Variants in EDA2R observed in about 807,000 individuals in gnomAD.
The protein encoded by EDA2R is tumor necrosis factor receptor superfamily member 27.
EDA2R carries 26 observed loss-of-function variants against 20.1 expected under a neutral mutation model. That is an observed-to-expected ratio of 1.30 (90% CI 0.95 to 1.80). The LOEUF (loss-of-function observed/expected upper bound fraction) is 1.80. EDA2R is among the 40% of genes most tolerant of loss of function. EDA2R has a pLI of 0.00. For missense variants in EDA2R, 277 were observed against 228.7 expected, an observed-to-expected ratio of 1.21 and a Z score of -1.36; for synonymous variants, 114 against 88.7, an observed-to-expected ratio of 1.29 and a Z score of -1.60.
At chrX:66,623,045 T>G (rs954816491) in intron 1 of EDA2R, among the ~76,000 whole-genome samples, 1 of 111,975 alleles carries the variant, frequency 8.9e-6, no homozygotes, top group Admixed American at 9.4e-5. Flanking sequence ...TCAGTCTTGG[T>G]TGCACCTTGG....
At chrX:66,607,365 C>T (rs1929874107) in intron 2 of EDA2R, among the ~76,000 whole-genome samples, 1 of 111,795 alleles carries the variant, frequency 8.9e-6, no homozygotes, top group Non-Finnish European at 1.9e-5. Context: ...CGATACATGA[C>T]AAAAAATAGT....
At chrX:66,616,823 C>T (rs759765361) in intron 1 of EDA2R, among the ~76,000 whole-genome samples, 78 of 112,213 alleles carry the variant, frequency 7.0e-4, no homozygotes, top group Non-Finnish European at 5.6e-4. Context: ...GGATGGATCA[C>T]TTTATCTTTT....
intron 1 of EDA2R, among the ~76,000 whole-genome samples, chrX:66,633,371 T>C (rs1038739048): frequency 2.7e-5 from 3 of 111,705 alleles, no homozygotes; most frequent in Non-Finnish European, 5.6e-5. Flanking sequence ...AGAAATAGGA[T>C]GAAATTAAGA....
intron 1 of EDA2R, among the ~76,000 whole-genome samples, chrX:66,637,657 C>T (rs998823956): frequency 8.9e-6 from 1 of 112,578 alleles, no homozygotes; most frequent in African/African-American, 3.2e-5. Flanking sequence ...CTTAAACTGT[C>T]TTCTCTATCT....
At chrX:66,612,916 C>T (rs990003230) in intron 2 of EDA2R, among the ~76,000 whole-genome samples, 1 of 111,229 alleles carries the variant, frequency 9.0e-6, no homozygotes, top group African/African-American at 3.3e-5. Context: ...CATTAAGGTG[C>T]AAAATTTCTT....
chrX:66,630,870 TAC>T (rs770378745), intron 1 of EDA2R, among the ~76,000 whole-genome samples: 8 of 108,498 alleles, frequency 7.4e-5, no homozygotes, highest in East Asian at 2.9e-4. Flanking sequence ...TATATATATA[TAC>T]ACACACGTAT....
At chrX:66,616,767 T>C (rs776914067) in intron 1 of EDA2R, among the ~76,000 whole-genome samples, 21 of 112,507 alleles carry the variant, frequency 1.9e-4, no homozygotes, top group Non-Finnish European at 3.2e-4. Flanking sequence ...TGAAGTGGGA[T>C]GGCTGTTCAC....
At chrX:66,600,035 T>C in intron 5 of EDA2R, 175 bp from the exon 6 acceptor site, 9 of 1,159,887 alleles carry the variant, frequency 7.8e-6, no homozygotes, top group Non-Finnish European at 1.0e-5. Flanking sequence ...AGAAACATAC[T>C]TACATTCAGG....
rs1256480611 is a variant in EDA2R at position 66,599,581 on chromosome X, G to T, written c.797C>A (p.Ala266Asp). ...ELDLQKFSSSASYTGAETLGG... is the reference protein window; with the variant it reads ...ELDLQKFSSSDSYTGAETLGG... ...CAAGGTCTCAGCTCCAGTATAGGAG[G>T]CAGAGCTGGAAAACTTTTGCAGGTC... The change falls in exon 6 of 7, where the codon GCC (alanine) becomes GAC (aspartate). Residue 266 changes from alanine to aspartate, a missense_variant. Coordinates refer to ENST00000374719, the MANE Select transcript of EDA2R (RefSeq NM_021783.5). The T allele has an allele frequency of 8.4e-7, 1 of 1,195,362 alleles. No homozygotes were observed. The highest frequency in any genetic ancestry group is 2.3e-5 in the Admixed American group (1 of 43,829).
chrX:66,632,435 A>G (rs1302933714), intron 1 of EDA2R, among the ~76,000 whole-genome samples: 1 of 92,664 alleles, frequency 1.1e-5, no homozygotes, highest in Non-Finnish European at 2.0e-5. Context: ...AAGAAGAAGA[A>G]GCAGGAGGAG....
At chrX:66,630,818 T>TACACACACAC (rs1171133667) in intron 1 of EDA2R, among the ~76,000 whole-genome samples, 1 of 57,428 alleles carries the variant, frequency 1.7e-5, no homozygotes, top group African/African-American at 5.4e-5. Context: ...ATCATATATA[T>TACACACACAC]ATATACACAC....
At position 66,599,484 on chromosome X, in the gene EDA2R, T is replaced by G; in HGVS notation, c.894A>C (p.Ter298TyrextTer2). 1 of 1,152,695 alleles carries G rather than the reference T, an allele frequency of 8.7e-7. No homozygotes were observed. Among genetic ancestry groups the G allele is most frequent in the Admixed American group, 2.6e-5 (1 of 38,397 alleles). 95.0% of individuals were successfully genotyped at this position (1,152,695 alleles called of 1,213,427 possible). ...LNVPFEVPSP[*>Y] ...ACCTTTCCAGCTCACCTCATTAGAG[T>G]TAAGGGCTGGGAACTTCAAAGGGCA... Residue 298 changes from the stop codon to tyrosine, a stop_lost, in exon 6 of 7, where the codon TAA becomes TAC. Transcript: ENST00000374719.
chrX:66,604,350 G>C, intron 4 of EDA2R, 71 bp downstream of exon 4: 1 of 1,006,707 alleles, frequency 9.9e-7, no homozygotes, highest in Non-Finnish European at 1.4e-6. Flanking sequence ...GATATGGGTA[G>C]TCTTTACTAC....
rs752010334 is a variant in EDA2R, at chrX:66,605,179, A to T, written c.135T>A (p.Pro45=). Residue 45 remains proline (P), a synonymous_variant, in exon 3 of 7, where the codon CCT becomes CCA. Coordinates refer to ENST00000374719, the MANE Select transcript of EDA2R (RefSeq NM_021783.5). ...CCCAGCTGCTTTTGTACCTGCGAGG[A>T]GGGCAGGCTGTGCAGTAGGCATCTC... The part of the protein sequence containing the change: ...EGGDAYCTAC[P]PRRYKSSWGH... The T allele has an allele frequency of 3.7e-5, 45 of 1,208,011 alleles. No individual in the cohort carries two copies. Among genetic ancestry groups the T allele is most frequent in the Non-Finnish European group, 4.9e-5 (44 of 894,381 alleles).
chrX:66,631,472 G>C (rs137947955), intron 1 of EDA2R, among the ~76,000 whole-genome samples: 1 of 111,621 alleles, frequency 9.0e-6, no homozygotes, highest in East Asian at 2.8e-4. Context: ...TAGAAGCTAT[G>C]AGTCTGGCAC....
chrX:66,629,355 A>G (rs1933476095), intron 1 of EDA2R, among the ~76,000 whole-genome samples: 1 of 111,761 alleles, frequency 8.9e-6, no homozygotes, highest in Non-Finnish European at 1.9e-5. Flanking sequence ...ACCAGGCAAG[A>G]GAAAGAAATA....
intron 2 of EDA2R, among the ~76,000 whole-genome samples, chrX:66,614,588 C>T: frequency 8.9e-6 from 1 of 112,213 alleles, no homozygotes; most frequent in East Asian, 2.8e-4. Context: ...GTACTGGGAT[C>T]CTTTATCAAC....
chrX:66,616,009 T>C lies in EDA2R; in HGVS notation c.12A>G (p.Gln4=). The C allele has an allele frequency of 8.3e-7, 1 of 1,208,068 alleles. No individual in the cohort carries two copies. Among genetic ancestry groups the C allele is most frequent in the Non-Finnish European group, 1.1e-6 (1 of 892,469 alleles). MDC[Q]ENEYWDQWGR... ...CCCATTGGTCCCAGTACTCATTTTC[T>C]TGGCAATCCATGGTGGGAAGGCTGT... is the stretch of plus-strand genomic sequence containing the variant. The change falls in exon 2 of 7, where the codon CAA becomes CAG. Residue 4 remains glutamine, a synonymous_variant. Transcript: ENST00000374719.
chrX:66,618,788 A>C (rs1432702139), intron 1 of EDA2R, among the ~76,000 whole-genome samples: 1 of 108,641 alleles, frequency 9.2e-6, no homozygotes, highest in African/African-American at 3.6e-5. Context: ...AATAGTAGTA[A>C]CCTCACATCC....
Sources: gnomAD v4.1 joint callset for allele counts (sites outside exome capture counted in the v4.1 genomes callset) on GRCh38, gnomAD v4.1.1 for gene constraint, MANE v1.5 for transcripts, NCBI Gene and HGNC (gene_info 2026-07-23, HGNC 2026-07-21) for gene names.